The following PTX3 variants were observed in gnomAD, a reference collection of about 807,000 sequenced individuals.
PTX3 encodes the protein pentraxin-related protein PTX3.
A neutral mutation model predicts 23.5 loss-of-function variants in PTX3; 24 were observed. The observed-to-expected ratio is 1.02, with a 90% CI of 0.74 to 1.43. The LOEUF is 1.43. Ranked by LOEUF, PTX3 falls within the 40% of genes most tolerant of loss-of-function variation. The probability of loss-of-function intolerance (pLI) is 0.00; values close to 1 mark genes in which losing one functional copy is unlikely to be tolerated. For synonymous variants in PTX3, 218 were observed against 205.4 expected, an observed-to-expected ratio of 1.06 and a Z score of -0.53; for missense variants, 510 against 497.5, an observed-to-expected ratio of 1.02 and a Z score of -0.24.
chr3:157,442,395 C>T lies in PTX3; in HGVS notation c.562C>T (p.Arg188Cys), dbSNP rs564774580. ...GCETAILFPM[R>C]SKKIFGSVHP... ...TGAAACAGCTATTTTATTCCCAATG[C>T]GTTCCAAGAAGATTTTTGGAAGCGT... is the stretch of plus-strand genomic sequence containing the variant. The change falls in exon 3 of 3, where the codon CGT becomes TGT. Residue 188 changes from arginine to cysteine, a missense_variant. Arg to Cys is a radical substitution (Grantham distance 180). Coordinates refer to ENST00000295927, the MANE Select transcript of PTX3 (RefSeq NM_002852.4). 28 of 1,612,488 alleles carry T rather than the reference C, an allele frequency of 1.7e-5. No homozygotes were observed. The highest frequency in any genetic ancestry group is 6.6e-5 in the South Asian group (6 of 91,052).
chr3:157,443,019 AC>A lies in PTX3; in HGVS notation c.*41del, dbSNP rs772288594. 3.9e-6 allele frequency: 6 copies of A among 1,549,222 alleles called. No individual in the cohort carries two copies. The highest frequency in any genetic ancestry group is 5.2e-6 in the Non-Finnish European group (6 of 1,151,230). ...CACTTGAAGCCAAAGAAAGAAACTCACACTTAAAACACATGCCAGTTGGGAA... is the reference window on the plus strand; with the variant it reads ...CACTTGAAGCCAAAGAAAGAAACTCAACTTAAAACACATGCCAGTTGGGAA... On this transcript the variant is annotated 3_prime_UTR_variant, in exon 3 of 3. Transcript: ENST00000295927.
At chr3:157,439,790 G>A (rs1177438406) in intron 2 of PTX3, among the ~76,000 whole-genome samples, 1 of 152,042 alleles carries the variant, frequency 6.6e-6, no homozygotes, top group Non-Finnish European at 1.5e-5. Flanking sequence ...TCGCTCTGTC[G>A]CCCAGGCTGG....
At position 157,443,182 on chromosome 3, in the gene PTX3, GT is replaced by G; in HGVS notation, c.*205del. 1 of 564,512 alleles carries G rather than the reference GT, an allele frequency of 1.8e-6. No homozygotes were observed. The highest frequency in any genetic ancestry group is 3.0e-6 in the Non-Finnish European group (1 of 337,410). The allele number at this position is 564,512 out of a possible 1,614,324, so 35.0% of individuals were successfully genotyped here. A position where few individuals can be genotyped will look rare whatever the true frequency, so the allele number is the denominator to read the frequency against. The stretch of plus-strand genomic sequence containing the variant: ...ATTGGAAAAAGCTTTTGAGGATAAT[GT>G]TACTAGACTTTATGCCATGGTGCTT... On this transcript the variant is annotated 3_prime_UTR_variant, in exon 3 of 3. Coordinates refer to ENST00000295927, the MANE Select transcript of PTX3 (RefSeq NM_002852.4).
intron 2 of PTX3, among the ~76,000 whole-genome samples, chr3:157,441,543 C>T (rs1294750222): frequency 3.9e-5 from 6 of 152,034 alleles, no homozygotes; most frequent in Non-Finnish European, 5.9e-5. Context: ...GGTGTGGTGG[C>T]TCATGCCTGT....
intron 2 of PTX3, 124 bp downstream of exon 2, chr3:157,438,038 C>T: frequency 2.4e-6 from 1 of 416,634 alleles, no homozygotes; most frequent in Non-Finnish European, 4.0e-6. Flanking sequence ...CGCGCGCGCG[C>T]ACACACACAC....
intron 2 of PTX3, among the ~76,000 whole-genome samples, chr3:157,441,800 ACT>A (rs1164860479): frequency 5.7e-5 from 8 of 140,226 alleles, no homozygotes; most frequent in Non-Finnish European, 1.5e-5. Context: ...ACAGAGTGAG[ACT>A]CTGTCTCAAA....
rs1734271362 is a variant in PTX3 at position 157,443,126 on chromosome 3, C to T, written c.*147C>T. On this transcript the variant is annotated 3_prime_UTR_variant, in exon 3 of 3. Transcript: ENST00000295927. ...GAGACCAATCTTTATTTGTACTGGCCAAATACTGAATAAACAGTTGAAGGA... is the reference window on the plus strand; with the variant it reads ...GAGACCAATCTTTATTTGTACTGGCTAAATACTGAATAAACAGTTGAAGGA... The T allele has an allele frequency of 1.1e-6, 1 of 911,626 alleles. No homozygotes were observed. 56.5% of individuals were successfully genotyped at this position (911,626 alleles called of 1,614,324 possible). A position where few individuals can be genotyped will look rare whatever the true frequency, so the allele number is the denominator to read the frequency against.
rs3816527 is a variant in PTX3 at position 157,437,525 on chromosome 3, C to A, written c.143C>A (p.Ala48Asp). Residue 48 changes from alanine (A) to aspartate (D), a missense_variant, in exon 2 of 3, where the codon GCC becomes GAC. By Grantham distance (126) the Ala-to-Asp change is moderately radical. Transcript: ENST00000295927. ...LHPTEDPTPC[A>D]CGQEHSEWDK... ...TCCCGTACTCTAGCCACGCCGTGCGCCTGCGGTCAGGAGCACTCGGAATGG... is the reference window on the plus strand; with the variant it reads ...TCCCGTACTCTAGCCACGCCGTGCGACTGCGGTCAGGAGCACTCGGAATGG... The A allele has an allele frequency of 0.6, 958,350 of 1,603,296 alleles. 290,190 individuals are homozygous for A. The highest frequency in any genetic ancestry group is 0.82 in the East Asian group (36,316 of 44,334).
At chr3:157,438,037 G>GCACACACACACA (rs781700719) in intron 2 of PTX3, 123 bp downstream of exon 2, 79 of 516,070 alleles carry the variant, frequency 1.5e-4, no homozygotes, top group East Asian at 5.6e-4. Flanking sequence ...GCGCGCGCGC[G>GCACACACACACA]CACACACACA....
chr3:157,437,413 C>G, intron 1 of PTX3, 100 bp from the exon 2 acceptor site: 1 of 1,403,318 alleles, frequency 7.1e-7, no homozygotes, highest in South Asian at 1.2e-5. Context: ...ATGCCAGGAA[C>G]GGGCTGCAAC....
rs757947292 is a variant in PTX3, at chr3:157,442,397, T to G, written c.564T>G (p.Arg188=). 1 of 1,613,524 alleles carries G rather than the reference T, an allele frequency of 6.2e-7. No individual in the cohort carries two copies. Among genetic ancestry groups the G allele is most frequent in the Non-Finnish European group, 8.5e-7 (1 of 1,179,410 alleles). The part of the protein sequence containing the change: ...GCETAILFPM[R]SKKIFGSVHP... ...AAACAGCTATTTTATTCCCAATGCG[T>G]TCCAAGAAGATTTTTGGAAGCGTGC... The change falls in exon 3 of 3, where the codon CGT becomes CGG. Residue 188 remains arginine, a synonymous_variant. Coordinates refer to ENST00000295927, the MANE Select transcript of PTX3 (RefSeq NM_002852.4).
At chr3:157,442,337 A>G (rs1246026580) in intron 2 of PTX3, 29 bp from the exon 3 acceptor site, 1 of 1,511,236 alleles carries the variant, frequency 6.6e-7, no homozygotes, top group Non-Finnish European at 9.0e-7. Flanking sequence ...ATTTTCTTTA[A>G]TATTCTTCTT....
chr3:157,443,167 G>T lies in PTX3; in HGVS notation c.*188G>T. 1 of 654,562 alleles carries T rather than the reference G, an allele frequency of 1.5e-6. No individual in the cohort carries two copies. The highest frequency in any genetic ancestry group is 2.4e-6 in the Non-Finnish European group (1 of 411,048). 40.5% of individuals were successfully genotyped at this position (654,562 alleles called of 1,614,324 possible). A position where few individuals can be genotyped will look rare whatever the true frequency, so the allele number is the denominator to read the frequency against. On this transcript the variant is annotated 3_prime_UTR_variant, in exon 3 of 3. Transcript: ENST00000295927. ...AGTTGAAGGAAAGACATTGGAAAAA[G>T]CTTTTGAGGATAATGTTACTAGACT...
intron 2 of PTX3, 52 bp downstream of exon 2, chr3:157,437,966 C>A: frequency 6.6e-7 from 1 of 1,508,924 alleles, no homozygotes; most frequent in South Asian, 1.2e-5. Context: ...GTTCCGGGAG[C>A]GCGCGTAACG....
rs1353093486 is a variant in PTX3 at position 157,437,766 on chromosome 3, C to T, written c.384C>T (p.Gly128=). 2 of 1,485,944 alleles carry T rather than the reference C, an allele frequency of 1.3e-6. No homozygotes were observed. The highest frequency in any genetic ancestry group is 1.8e-6 in the Non-Finnish European group (2 of 1,128,410). The allele number at this position is 1,485,944 out of a possible 1,614,324, so 92.0% of individuals were successfully genotyped here. A position where few individuals can be genotyped will look rare whatever the true frequency, so the allele number is the denominator to read the frequency against. The change falls in exon 2 of 3, where the codon GGC becomes GGT. Residue 128 remains glycine (G), a synonymous_variant. Transcript: ENST00000295927. ...DELLQATRDA[G]RRLARMEGAE... ...TGCTGCAGGCGACCCGCGACGCGGG[C>T]CGCAGGCTGGCGCGTATGGAGGGCG...
chr3:157,438,067 A>C (rs536595182), intron 2 of PTX3, among the ~76,000 whole-genome samples, 153 bp downstream of exon 2: 3 of 150,922 alleles, frequency 2.0e-5, no homozygotes, highest in African/African-American at 2.4e-5. Context: ...ACACACACAC[A>C]CACACCCCTA....
intron 2 of PTX3, among the ~76,000 whole-genome samples, chr3:157,438,668 A>G (rs908313246): frequency 4.6e-5 from 7 of 152,160 alleles, no homozygotes; most frequent in African/African-American, 1.7e-4. Context: ...CAGGAGAGAG[A>G]CTGTTCAAAC....
chr3:157,438,037 G>GCACACACACA lies in PTX3; in HGVS notation c.532+149_532+158dup, dbSNP rs781700719. ...TCATGGGAAGCGCGCGCGCGCGCGC[G>GCACACACACA]CACACACACACACACACACACACAC... On this transcript the variant is annotated intron_variant, in intron 2 of 2. Transcript: ENST00000295927. 1.7e-3 allele frequency: 863 copies of GCACACACACA among 515,802 alleles called. 1 individual carries two copies. The highest frequency in any genetic ancestry group is 3.6e-3 in the South Asian group (147 of 40,930). The allele number at this position is 515,802 out of a possible 1,614,324, so 32.0% of individuals were successfully genotyped here.
chr3:157,437,883 G>A lies in PTX3; in HGVS notation c.501G>A (p.Gln167=). The change falls in exon 2 of 3, where the codon CAG becomes CAA. Residue 167 remains glutamine, a synonymous_variant. Transcript: ENST00000295927. ...CGCGAGCCGACCTGCACGCGGTGCA[G>A]GGCTGGGCTGCCCGGAGCTGGCTGC... The part of the protein sequence containing the change: ...RQTRADLHAV[Q]GWAARSWLPA... The A allele has an allele frequency of 6.6e-7, 1 of 1,519,266 alleles. No homozygotes were observed. The highest frequency in any genetic ancestry group is 1.2e-5 in the South Asian group (1 of 82,898). 94.1% of individuals were successfully genotyped at this position (1,519,266 alleles called of 1,614,324 possible). A position where few individuals can be genotyped will look rare whatever the true frequency, so the allele number is the denominator to read the frequency against.
Sources: allele counts gnomAD v4.1 joint callset (sites outside exome capture counted in the v4.1 genomes callset), GRCh38; gene constraint gnomAD v4.1.1; transcripts MANE v1.5; gene names NCBI Gene and HGNC (gene_info 2026-07-23, HGNC 2026-07-21).